HMMR: variants seen among roughly 807,000 people sequenced by gnomAD.
HMMR encodes intracellular hyaluronic acid-binding protein.
Under a neutral mutation model 101.0 loss-of-function variants are expected in HMMR, and 108 were observed. The ratio of observed to expected loss-of-function variants is 1.07; its 90% CI spans 0.92 to 1.25. The LOEUF (loss-of-function observed/expected upper bound fraction) is 1.25. Among genes scored for constraint, HMMR ranks in the 50% most tolerant of loss-of-function variants. HMMR has a pLI of 0.00. For missense variants in HMMR, 813 were observed against 788.7 expected (o/e 1.03, Z -0.37); for synonymous variants, 296 against 276.4 (o/e 1.07, Z -0.70).
chr5:163,474,445 T>A (rs879907375), intron 10 of HMMR: 227 of 501,992 alleles, frequency 4.5e-4, no homozygotes, highest in Non-Finnish European at 7.5e-4. Flanking sequence ...AGGGAATTTT[T>A]AAAAAATTTT....
intron 15 of HMMR, 140 bp from the exon 16 acceptor site, chr5:163,483,929 T>A: frequency 1.9e-6 from 1 of 530,626 alleles, no homozygotes; most frequent in Non-Finnish European, 3.3e-6. Flanking sequence ...TCATAGAGAA[T>A]CTATGGAGAG....
intron 13 of HMMR, 60 bp from the exon 14 acceptor site, chr5:163,482,958 AAG>A: frequency 6.8e-7 from 1 of 1,474,830 alleles, no homozygotes; most frequent in South Asian, 1.3e-5. Context: ...AAGAAAAAAA[AAG>A]GAAAAATTAA....
chr5:163,488,814 G>A (rs987631937), intron 16 of HMMR, among the ~76,000 whole-genome samples: 1 of 152,180 alleles, frequency 6.6e-6, no homozygotes, highest in African/African-American at 2.4e-5. Context: ...GCATACGAGA[G>A]CAGTGCTGGA....
Position 163,473,189 on chromosome 5 carries a change from G to C in HMMR, c.661G>C (p.Glu221Gln). 6.5e-7 allele frequency: 1 copy of C among 1,532,648 alleles called. No homozygotes were observed. Among genetic ancestry groups the C allele is most frequent in the Non-Finnish European group, 9.0e-7 (1 of 1,111,358 alleles). 94.9% of individuals were successfully genotyped at this position (1,532,648 alleles called of 1,614,324 possible). A position where few individuals can be genotyped will look rare whatever the true frequency, so the allele number is the denominator to read the frequency against. ...CAATTTTTGTTTTAGTGTTTCAATA[G>C]AGAAAGAAAAGATTGATGAAAAATC... Reference protein sequence around the residue: ...AQLEGKLVSIEKEKIDEKSET... With the variant: ...AQLEGKLVSIQKEKIDEKSET... Residue 221 changes from glutamate to glutamine, a missense_variant, in exon 8 of 18, where the codon GAG (glutamate) becomes CAG (glutamine). By Grantham distance (29) the Glu-to-Gln change is conservative. Transcript: ENST00000393915.
intron 3 of HMMR, among the ~76,000 whole-genome samples, chr5:163,465,780 T>A (rs1392903132): frequency 1.3e-5 from 2 of 149,858 alleles, no homozygotes; most frequent in Non-Finnish European, 1.5e-5. Flanking sequence ...CAACATGTAG[T>A]CAAACCCCAT....
In HMMR at chr5:163,473,520, T is replaced by C. The variant is rs557896183; in HGVS notation, c.867T>C (p.Asp289=). Residue 289 remains aspartate (D), a synonymous_variant, in exon 9 of 18, where the codon GAT becomes GAC. Coordinates refer to ENST00000393915, the MANE Select transcript of HMMR (RefSeq NM_001142556.2). ...NIVILSKQVE[D]LNVKCQLLEK... Reference sequence around the variant, plus strand: ...TTATATTATCTAAACAAGTAGAAGATCTAAATGTGAAATGTCAGCTGCTTG... The same window carrying C: ...TTATATTATCTAAACAAGTAGAAGACCTAAATGTGAAATGTCAGCTGCTTG... The C allele has an allele frequency of 6.9e-6, 11 of 1,583,660 alleles. No homozygotes were observed. The highest frequency in any genetic ancestry group is 6.8e-5 in the African/African-American group (5 of 73,642).
At chr5:163,463,749 G>A (rs1758613437) in intron 1 of HMMR, 107 bp from the exon 2 acceptor site, 1 of 468,722 alleles carries the variant, frequency 2.1e-6, no homozygotes, top group Non-Finnish European at 3.7e-6. Context: ...AAAAAAAGCA[G>A]TTTGTTAATG....
Position 163,473,256 on chromosome 5 carries a change from A to G in HMMR, c.725+3A>G. ...TTGGAATACATCGAAGAAATTAGGT[A>G]ATATGAGCAGTAGCTTTAAATTGAA... On this transcript the variant is annotated splice_donor_region_variant and intron_variant, in intron 8 of 17. Coordinates refer to ENST00000393915, the MANE Select transcript of HMMR (RefSeq NM_001142556.2). The G allele has an allele frequency of 1.3e-6, 2 of 1,537,746 alleles. No homozygotes were observed. The highest frequency in any genetic ancestry group is 1.8e-6 in the Non-Finnish European group (2 of 1,115,762).
intron 16 of HMMR, among the ~76,000 whole-genome samples, chr5:163,488,426 A>G (rs867105703): frequency 2.0e-5 from 3 of 152,044 alleles, no homozygotes; most frequent in Admixed American, 6.6e-5. Context: ...GTAATTTTTC[A>G]TTGGAAAGTA....
intron 12 of HMMR, among the ~76,000 whole-genome samples, chr5:163,481,323 T>C (rs1452580715): frequency 6.6e-6 from 1 of 151,468 alleles, no homozygotes; most frequent in African/African-American, 2.4e-5. Flanking sequence ...TATATATATT[T>C]ATTGCTAATA....
chr5:163,484,717 C>T (rs921773750), intron 16 of HMMR, among the ~76,000 whole-genome samples: 53 of 152,136 alleles, frequency 3.5e-4, no homozygotes, highest in Non-Finnish European at 5.7e-4. Flanking sequence ...ACATTTTCAT[C>T]ACCTCAAAAT....
At chr5:163,477,016 G>A (rs1159207155) in intron 11 of HMMR, among the ~76,000 whole-genome samples, 2 of 152,192 alleles carry the variant, frequency 1.3e-5, no homozygotes, top group South Asian at 2.1e-4. Context: ...GGGCGACAGA[G>A]GGAGACTGTG....
Position 163,478,727 on chromosome 5 carries a change from GCCA to G in HMMR, c.1315_1317del (p.Thr439del). The stretch of plus-strand genomic sequence containing the variant: ...GAAAAGTAGTGCTGCTCATACCCAG[GCCA>G]CCCTGCTTTTGCAGGAAAAGTATGA... On this transcript the variant is annotated inframe_deletion, in exon 12 of 18. Coordinates refer to ENST00000393915, the MANE Select transcript of HMMR (RefSeq NM_001142556.2). 1.2e-6 allele frequency: 2 copies of G among 1,613,484 alleles called. No individual in the cohort carries two copies. The highest frequency in any genetic ancestry group is 4.5e-5 in the East Asian group (2 of 44,858).
intron 9 of HMMR, 147 bp from the exon 10 acceptor site, chr5:163,473,910 G>C (rs1422786376): frequency 1.5e-6 from 1 of 660,488 alleles, no homozygotes; most frequent in Non-Finnish European, 2.6e-6. Context: ...ATATTACATG[G>C]AGTAATGATA....
chr5:163,488,235 A>G (rs528686408), intron 16 of HMMR, among the ~76,000 whole-genome samples: 2 of 152,238 alleles, frequency 1.3e-5, no homozygotes, highest in African/African-American at 4.8e-5. Context: ...GGTGCATTGC[A>G]TGATACTGAG....
intron 12 of HMMR, among the ~76,000 whole-genome samples, chr5:163,479,210 C>A (rs770288159): frequency 2.6e-5 from 4 of 152,180 alleles, no homozygotes; most frequent in Non-Finnish European, 5.9e-5. Flanking sequence ...TATAAAGAGA[C>A]CCACATTTAT....
At chr5:163,488,379 T>C (rs1403070759) in intron 16 of HMMR, among the ~76,000 whole-genome samples, 1 of 152,206 alleles carries the variant, frequency 6.6e-6, no homozygotes, top group East Asian at 1.9e-4. Flanking sequence ...TGTGTCCAAA[T>C]GTATAGGTTA....
intron 16 of HMMR, among the ~76,000 whole-genome samples, chr5:163,488,596 G>C (rs1759567024): frequency 6.6e-6 from 1 of 152,158 alleles, no homozygotes; most frequent in Admixed American, 6.5e-5. Flanking sequence ...TGATGTTGCT[G>C]TTCAGGGAGG....
rs1758882296 is a variant in HMMR, at chr5:163,471,281, GC to G, written c.549+13del. ...AGAAACAAAGATGAGGGTGAGTGCT[GC>G]CCTTGGCAGGTTTGCTGTGTCTGGA... On this transcript the variant is annotated intron_variant, in intron 6 of 17. Coordinates refer to ENST00000393915, the MANE Select transcript of HMMR (RefSeq NM_001142556.2). 9 of 1,608,384 alleles carry G rather than the reference GC, an allele frequency of 5.6e-6. No individual in the cohort carries two copies. In the East Asian group the frequency reaches 2.0e-4, roughly 36 times the overall value.
Sources: allele counts gnomAD v4.1 joint callset (sites outside exome capture counted in the v4.1 genomes callset), GRCh38; gene constraint gnomAD v4.1.1; transcripts MANE v1.5; gene names NCBI Gene and HGNC (gene_info 2026-07-23, HGNC 2026-07-21).